HNRNPR: variants seen among roughly 807,000 people sequenced by gnomAD.
The protein encoded by HNRNPR is heterogeneous nuclear ribonucleoprotein R.
HNRNPR carries 4 observed loss-of-function variants against 70.3 expected under a neutral mutation model. The observed-to-expected ratio is 0.06, with a 90% CI of 0.03 to 0.13. The LOEUF (loss-of-function observed/expected upper bound fraction) is 0.13, where lower values mean the gene tolerates loss of function less well. HNRNPR is among the 10% of genes least tolerant of loss of function. The probability of loss-of-function intolerance (pLI) is 1.00; values close to 1 mark genes in which losing one functional copy is unlikely to be tolerated. For missense variants in HNRNPR, 423 were observed against 788.5 expected, an observed-to-expected ratio of 0.54 and a Z score of 5.55; for synonymous variants, 241 against 267.6, an observed-to-expected ratio of 0.90 and a Z score of 0.97.
At chr1:23,315,358 T>TA (rs1329027629) in intron 8 of HNRNPR, among the ~76,000 whole-genome samples, 2 of 151,576 alleles carry the variant, frequency 1.3e-5, no homozygotes, top group Admixed American at 1.3e-4. Flanking sequence ...TAGGACAACT[T>TA]ACAGTCAATG....
intron 9 of HNRNPR, among the ~76,000 whole-genome samples, chr1:23,312,481 A>G (rs913356888): frequency 1.1e-4 from 16 of 152,190 alleles, no homozygotes; most frequent in African/African-American, 2.7e-4. Flanking sequence ...TCTGCATTCT[A>G]TACCAGTGAA....
Position 23,340,956 on chromosome 1 carries a change from G to T in HNRNPR, c.53C>A (p.Pro18Gln), listed in dbSNP as rs779956586. ...NAVQLKEEEE[P>Q]MDTSSVTHTE... is the part of the protein sequence containing the mutation. ...GTGAGTTACACTGGAAGTATCCATT[G>T]GTTCTTCCTCTTCTTTTAACTGTAC... Residue 18 changes from proline (P) to glutamine (Q), a missense_variant, in exon 2 of 11, where the codon CCA becomes CAA. Transcript: ENST00000302271. 1.2e-5 allele frequency: 19 copies of T among 1,613,010 alleles called. No individual in the cohort carries two copies. The highest frequency in any genetic ancestry group is 9.9e-5 in the South Asian group (9 of 90,988).
chr1:23,334,856 A>C (rs1490978488), intron 4 of HNRNPR, among the ~76,000 whole-genome samples: 2 of 152,318 alleles, frequency 1.3e-5, no homozygotes, highest in Non-Finnish European at 2.9e-5. Context: ...AGAGAAGAAA[A>C]GATACAATGG....
rs374096983 is a variant in HNRNPR, at chr1:23,333,645, T to C, written c.385-14A>G. On this transcript the variant is annotated splice_polypyrimidine_tract_variant and intron_variant, in intron 4 of 10. Transcript: ENST00000302271. ...CTCAAGCAAGGCCTAGAGATAATTATACATCTCTTTATACTTGAGTACTAA... is the reference window on the plus strand; with the variant it reads ...CTCAAGCAAGGCCTAGAGATAATTACACATCTCTTTATACTTGAGTACTAA... The C allele has an allele frequency of 1.4e-5, 19 of 1,405,044 alleles. No individual in the cohort carries two copies. Among genetic ancestry groups the C allele is most frequent in the Non-Finnish European group, 1.8e-5 (18 of 989,262 alleles). The allele number at this position is 1,405,044 out of a possible 1,614,324, so 87.0% of individuals were successfully genotyped here.
intron 4 of HNRNPR, among the ~76,000 whole-genome samples, chr1:23,336,970 C>T (rs541822372): frequency 3.3e-5 from 5 of 152,102 alleles, no homozygotes; most frequent in Admixed American, 2.0e-4. Context: ...ATTCTAAGTG[C>T]TTTATATATG....
rs1309627009 is a variant in HNRNPR at position 23,306,127 on chromosome 1, C to T, written c.*4327G>A. On this transcript the variant is annotated 3_prime_UTR_variant, in exon 11 of 11. Transcript: ENST00000302271. ...GACAGTTAAAGCAAATTTATTGTCT[C>T]TCCAAGAGACTTTTTAAGATTATAA... is the stretch of plus-strand genomic sequence containing the variant. 1 of 152,046 alleles carries T rather than the reference C, an allele frequency of 6.6e-6. No homozygotes were observed. Among genetic ancestry groups the T allele is most frequent in the Non-Finnish European group, 1.5e-5 (1 of 67,998 alleles). 9.4% of individuals were successfully genotyped at this position (152,046 alleles called of 1,614,324 possible). A position where few individuals can be genotyped will look rare whatever the true frequency, so the allele number is the denominator to read the frequency against.
intron 8 of HNRNPR, among the ~76,000 whole-genome samples, chr1:23,314,404 A>C (rs1645453147): frequency 6.6e-6 from 1 of 152,188 alleles, no homozygotes; most frequent in Non-Finnish European, 1.5e-5. Flanking sequence ...ATGGCAAAAA[A>C]ATACTATAAG....
rs1042490449 is a variant in HNRNPR, at chr1:23,308,080, CTT to C, written c.*2372_*2373del. On this transcript the variant is annotated 3_prime_UTR_variant, in exon 11 of 11. Coordinates refer to ENST00000302271, the MANE Select transcript of HNRNPR (RefSeq NM_005826.5). ...TACAAGACATGAAAGAAGAAAAGCTCTTGAGTTTTAATGTTTATAGGATTATG... is the reference window on the plus strand; with the variant it reads ...TACAAGACATGAAAGAAGAAAAGCTCGAGTTTTAATGTTTATAGGATTATG... 1 of 152,012 alleles carries C rather than the reference CTT, an allele frequency of 6.6e-6. No individual in the cohort carries two copies. The highest frequency in any genetic ancestry group is 2.4e-5 in the African/African-American group (1 of 41,422). The allele number at this position is 152,012 out of a possible 1,614,324, so 9.4% of individuals were successfully genotyped here.
In HNRNPR at chr1:23,309,143, A is replaced by T. The variant is rs1267446593; in HGVS notation, c.*1311T>A. 6.6e-6 allele frequency: 1 copy of T among 152,122 alleles called. No homozygotes were observed. Among genetic ancestry groups the T allele is most frequent in the Non-Finnish European group, 1.5e-5 (1 of 67,958 alleles). 9.4% of individuals were successfully genotyped at this position (152,122 alleles called of 1,614,324 possible). On this transcript the variant is annotated 3_prime_UTR_variant, in exon 11 of 11. Transcript: ENST00000302271. ...ATTTGGGCATCAGGGATAGCAGATA[A>T]ATAAAAATAAACGAAGTGTTAACAG...
intron 5 of HNRNPR, among the ~76,000 whole-genome samples, chr1:23,324,915 C>T (rs968108684): frequency 2.6e-5 from 4 of 151,448 alleles, no homozygotes; most frequent in African/African-American, 4.9e-5. Context: ...CTGAGGCGGG[C>T]GGATCACGAA....
At chr1:23,319,887 A>C (rs1264151880) in intron 7 of HNRNPR, among the ~76,000 whole-genome samples, 1 of 152,032 alleles carries the variant, frequency 6.6e-6, no homozygotes, top group Non-Finnish European at 1.5e-5. Context: ...GTATGCTACA[A>C]CCTCTTCATC....
At position 23,333,506 on chromosome 1, in the gene HNRNPR, A is replaced by C; in HGVS notation, c.498+12T>G. The C allele has an allele frequency of 6.5e-7, 1 of 1,536,546 alleles. No homozygotes were observed. Among genetic ancestry groups the C allele is most frequent in the Non-Finnish European group, 9.0e-7 (1 of 1,109,156 alleles). On this transcript the variant is annotated intron_variant, in intron 5 of 10. Coordinates refer to ENST00000302271, the MANE Select transcript of HNRNPR (RefSeq NM_005826.5). ...CTGGAAAGATCTTGGTAAACTGCTA[A>C]AGAACACTTACCTCCGTTCCAATTC...
At chr1:23,338,629 G>A (rs1258839227) in intron 2 of HNRNPR, 21 bp from the exon 3 acceptor site, 11 of 1,288,300 alleles carry the variant, frequency 8.5e-6, no homozygotes, top group Non-Finnish European at 1.2e-5. Context: ...AATTGAAAGG[G>A]GTAACGTTAT....
At chr1:23,315,302 A>AAAAAAAAAAAAAC (rs1557835030) in intron 8 of HNRNPR, among the ~76,000 whole-genome samples, 1 of 127,152 alleles carries the variant, frequency 7.9e-6, no homozygotes, top group African/African-American at 3.4e-5. Flanking sequence ...AAAAAAAAAA[A>AAAAAAAAAAAAAC]AAACAAAAAC....
chr1:23,322,516 G>A (rs1050094299), intron 6 of HNRNPR, among the ~76,000 whole-genome samples: 3 of 152,164 alleles, frequency 2.0e-5, no homozygotes, highest in East Asian at 1.9e-4. Context: ...GATTACAGGC[G>A]TGAGCCACCA....
chr1:23,344,091 C>T (rs1166172125), intron 1 of HNRNPR, 120 bp downstream of exon 1: 1 of 152,378 alleles, frequency 6.6e-6, no homozygotes, highest in African/African-American at 2.4e-5. Context: ...CCAGCCCGTC[C>T]CCACCCCCAC....
intron 8 of HNRNPR, among the ~76,000 whole-genome samples, chr1:23,316,076 C>CA (rs763258884): frequency 8.6e-5 from 13 of 151,744 alleles, no homozygotes; most frequent in African/African-American, 1.2e-4. Flanking sequence ...CCCAACTTGG[C>CA]AAAAAAAATC....
chr1:23,314,560 CAGAAACACAT>C (rs1202947094), intron 8 of HNRNPR, among the ~76,000 whole-genome samples: 1 of 152,258 alleles, frequency 6.6e-6, no homozygotes, highest in East Asian at 1.9e-4. Context: ...GGTTCATACA[CAGAAACACAT>C]ATGGCTCTTA....
At chr1:23,313,788 T>C in intron 8 of HNRNPR, 86 bp from the exon 9 acceptor site, 1 of 1,408,816 alleles carries the variant, frequency 7.1e-7, no homozygotes, top group Non-Finnish European at 9.6e-7. Context: ...AGCATAGCTT[T>C]TCTCCTCTAA....
Sources: allele counts gnomAD v4.1 joint callset (sites outside exome capture counted in the v4.1 genomes callset), GRCh38; gene constraint gnomAD v4.1.1; transcripts MANE v1.5; gene names NCBI Gene and HGNC (gene_info 2026-07-23, HGNC 2026-07-21).